The following ITGB5 variants were observed in gnomAD, a reference collection of about 807,000 sequenced individuals.
ITGB5 encodes the protein integrin beta-5.
A neutral mutation model predicts 84.8 loss-of-function variants in ITGB5; 38 were observed. That is an observed-to-expected ratio of 0.45 (90% CI 0.35 to 0.59). ITGB5 has a LOEUF of 0.59. Among genes scored for constraint, ITGB5 ranks in the 20% least tolerant of loss-of-function variants. ITGB5 has a pLI of 0.01. For synonymous variants in ITGB5, 393 were observed against 414.4 expected (o/e 0.95, Z 0.63); for missense variants, 905 against 1,034.5 (o/e 0.87, Z 1.72).
intron 7 of ITGB5, among the ~76,000 whole-genome samples, chr3:124,818,036 G>A (rs1182358909): frequency 6.6e-6 from 1 of 151,840 alleles, no homozygotes; most frequent in Non-Finnish European, 1.5e-5. Flanking sequence ...TTCTAAGGTC[G>A]ACAGCTCCTG....
intron 12 of ITGB5, among the ~76,000 whole-genome samples, chr3:124,767,472 G>T (rs1016100484): frequency 3.9e-5 from 6 of 152,232 alleles, no homozygotes; most frequent in African/African-American, 1.4e-4. Flanking sequence ...AGAGGACTGG[G>T]TTGGGAAGCA....
rs1234401128 is a variant in ITGB5 at position 124,766,330 on chromosome 3, T to C, written c.2033A>G (p.Glu678Gly). Residue 678 changes from glutamate (E) to glycine (G), a missense_variant, in exon 13 of 15, where the codon GAG becomes GGG. Physicochemically the swap from Glu to Gly is moderately conservative, Grantham distance 98. Transcript: ENST00000296181. ...WVDTIVKDDQ[E>G]AVLCFYKTAK... Reference sequence around the variant, plus strand: ...GGTTTTGTAGAAACATAGCACAGCCTCCTGGTCATCTTTCACTGGAAGAAA... The same window carrying C: ...GGTTTTGTAGAAACATAGCACAGCCCCCTGGTCATCTTTCACTGGAAGAAA... 1 of 1,613,962 alleles carries C rather than the reference T, an allele frequency of 6.2e-7. No individual in the cohort carries two copies. Among genetic ancestry groups the C allele is most frequent in the African/African-American group, 1.3e-5 (1 of 74,916 alleles).
chr3:124,841,328 G>T, intron 5 of ITGB5, 55 bp downstream of exon 5: 2 of 1,554,692 alleles, frequency 1.3e-6, no homozygotes, highest in South Asian at 2.4e-5. Context: ...AACACCCACT[G>T]ACGCTCTCTA....
chr3:124,834,939 G>A (rs2064912052), intron 5 of ITGB5, among the ~76,000 whole-genome samples: 2 of 152,174 alleles, frequency 1.3e-5, no homozygotes, highest in African/African-American at 4.8e-5. Context: ...GACATTCCAA[G>A]CAAGAAGGAG....
At chr3:124,900,452 T>C (rs1377620988) in intron 1 of ITGB5, among the ~76,000 whole-genome samples, 1 of 152,232 alleles carries the variant, frequency 6.6e-6, no homozygotes, top group Non-Finnish European at 1.5e-5. Context: ...CACCTGGAAG[T>C]AGCAGAGAAT....
intron 1 of ITGB5, among the ~76,000 whole-genome samples, chr3:124,881,010 CAG>C (rs979717489): frequency 6.7e-6 from 1 of 148,818 alleles, no homozygotes; most frequent in Admixed American, 6.7e-5. Context: ...TTGTTTGAGA[CAG>C]AGTCTCTGTC....
intron 11 of ITGB5, among the ~76,000 whole-genome samples, chr3:124,770,772 A>T (rs2063830863): frequency 6.6e-6 from 1 of 151,278 alleles, no homozygotes; most frequent in Admixed American, 6.6e-5. Context: ...TTCTGAAGTT[A>T]GAAACAAGAT....
At chr3:124,803,019 A>T (rs2064340067) in intron 9 of ITGB5, among the ~76,000 whole-genome samples, 1 of 152,202 alleles carries the variant, frequency 6.6e-6, no homozygotes, top group South Asian at 2.1e-4. Context: ...CCACAGGAAG[A>T]GCTGTCAAAG....
rs552473842 is a variant in ITGB5 at position 124,886,074 on chromosome 3, C to T, written c.70+857G>A. Among the ~76,000 whole-genome samples the T allele has an allele frequency of 2.2e-4, 34 of 152,344 alleles. No individual in the cohort carries two copies. The South Asian group carries it at 7.1e-3, about 32-fold the overall frequency. On this transcript the variant is annotated intron_variant, in intron 1 of 14. Transcript: ENST00000296181. ...TCCAAACTACCACGTCCAATCATCT[C>T]CCAACTCTGAAAAGTTAGAGCAGGT...
In ITGB5 at chr3:124,764,472, G is replaced by A; in HGVS notation, c.2223C>T (p.Ile741=). The A allele has an allele frequency of 1.9e-6, 3 of 1,614,106 alleles. No individual in the cohort carries two copies. Among genetic ancestry groups the A allele is most frequent in the Non-Finnish European group, 2.5e-6 (3 of 1,180,016 alleles). Residue 741 remains isoleucine, a synonymous_variant, in exon 14 of 15, where the codon ATC becomes ATT. Transcript: ENST00000296181. ...ILLVGLALLA[I]WKLLVTIHDR... is the part of the protein sequence containing the mutation. ...CGTGGATGGTGACAAGCAGCTTCCA[G>A]ATAGCCAGGAGTGCAAGCCCAACAA... is the stretch of plus-strand genomic sequence containing the variant.
At chr3:124,876,785 C>T (rs921058939) in intron 1 of ITGB5, among the ~76,000 whole-genome samples, 3 of 152,186 alleles carry the variant, frequency 2.0e-5, no homozygotes, top group Non-Finnish European at 4.4e-5. Flanking sequence ...GGGACCCACC[C>T]ACCTTGCCTG....
intron 5 of ITGB5, among the ~76,000 whole-genome samples, chr3:124,827,269 T>C (rs2064796975): frequency 6.6e-6 from 1 of 152,322 alleles, no homozygotes; most frequent in South Asian, 2.1e-4. Context: ...GTTCTTCATC[T>C]GTAAAATGGA....
At chr3:124,876,944 T>C (rs1016544620) in intron 1 of ITGB5, among the ~76,000 whole-genome samples, 9 of 151,984 alleles carry the variant, frequency 5.9e-5, no homozygotes, top group African/African-American at 2.2e-4. Context: ...AGTTTTCTTT[T>C]CTTTTCTTTT....
intron 5 of ITGB5, among the ~76,000 whole-genome samples, chr3:124,831,748 C>T (rs1368614728): frequency 1.3e-5 from 2 of 152,154 alleles, no homozygotes; most frequent in Admixed American, 1.3e-4. Context: ...TGAAGAGGCC[C>T]TCAAGACTGT....
chr3:124,872,359 A>G (rs1934098027), intron 2 of ITGB5, among the ~76,000 whole-genome samples: 1 of 152,206 alleles, frequency 6.6e-6, no homozygotes, highest in African/African-American at 2.4e-5. Context: ...ATTTTCATCA[A>G]TAAAACAAGT....
intron 4 of ITGB5, among the ~76,000 whole-genome samples, chr3:124,841,889 G>A (rs2065016298): frequency 6.6e-6 from 1 of 152,198 alleles, no homozygotes; most frequent in Non-Finnish European, 1.5e-5. Flanking sequence ...CCGGGGTGTG[G>A]GCCAGCCTAG....
intron 10 of ITGB5, among the ~76,000 whole-genome samples, chr3:124,780,064 T>G (rs2063981337): frequency 6.6e-6 from 1 of 152,154 alleles, no homozygotes; most frequent in Non-Finnish European, 1.5e-5. Context: ...CCCTGAGGCA[T>G]GCCAGAGCAG....
chr3:124,847,152 A>G lies in ITGB5; in HGVS notation c.611+1157T>C, dbSNP rs2065089196. Among the ~76,000 whole-genome samples the G allele has an allele frequency of 3.9e-5, 6 of 152,324 alleles. No homozygotes were observed. In the South Asian group the frequency reaches 1.2e-3, roughly 32 times the overall value. ...GAAAATATTTAGTATGGGGCTTGAC[A>G]CTTAGTAAAAACTTAAGTCTTAGTT... On this transcript the variant is annotated intron_variant, in intron 4 of 14. Transcript: ENST00000296181.
intron 1 of ITGB5, among the ~76,000 whole-genome samples, chr3:124,877,162 G>T (rs1215449860): frequency 7.2e-6 from 1 of 139,266 alleles, no homozygotes; most frequent in Non-Finnish European, 1.5e-5. Flanking sequence ...TTTTGTGGTG[G>T]AAGACAGGGT....
Sources: allele counts gnomAD v4.1 joint callset (sites outside exome capture counted in the v4.1 genomes callset), GRCh38; gene constraint gnomAD v4.1.1; transcripts MANE v1.5; gene names NCBI Gene and HGNC (gene_info 2026-07-23, HGNC 2026-07-21).